SCAF8: variants seen among roughly 807,000 people sequenced by gnomAD.
SCAF8 encodes SR-related CTD associated factor 8.
A neutral mutation model predicts 140.5 loss-of-function variants in SCAF8; 23 were observed. The ratio of observed to expected loss-of-function variants is 0.16; its 90% CI spans 0.12 to 0.23. The LOEUF (loss-of-function observed/expected upper bound fraction) is 0.23, where lower values mean the gene tolerates loss of function less well. Ranked by LOEUF, SCAF8 falls within the 10% of genes least tolerant of loss-of-function variation. The pLI is 1.00. For synonymous variants in SCAF8, 575 were observed against 528.9 expected (o/e 1.09, Z -1.20); for missense variants, 1,397 against 1,555.7 (o/e 0.90, Z 1.72).
At position 154,823,226 on chromosome 6, in the gene SCAF8, G is replaced by A. The variant is rs557338005; in HGVS notation, c.1926+817G>A. On this transcript the variant is annotated intron_variant, in intron 16 of 19. Transcript: ENST00000367178. ...TGAGATGGATGGTGGGTCTTTACAT[G>A]TGACAAAAAGAGAGAGAGAAAGATG... Among the ~76,000 whole-genome samples, 447 of 152,274 alleles carry A rather than the reference G, an allele frequency of 2.9e-3. 4 individuals carry two copies. The highest frequency in any genetic ancestry group is 0.01 in the African/African-American group (435 of 41,558).
intron 1 of SCAF8, among the ~76,000 whole-genome samples, chr6:154,752,654 T>G (rs1433134617): frequency 6.6e-6 from 1 of 152,240 alleles, no homozygotes; most frequent in Non-Finnish European, 1.5e-5. Context: ...ATGTTCAGCA[T>G]ATATTTCAAG....
At chr6:154,780,218 C>G (rs1053591541) in intron 3 of SCAF8, among the ~76,000 whole-genome samples, 2 of 152,220 alleles carry the variant, frequency 1.3e-5, no homozygotes, top group Non-Finnish European at 1.5e-5. Context: ...AACCTGTTCT[C>G]TTTCTCTATT....
At chr6:154,751,628 T>C (rs1365071042) in intron 1 of SCAF8, among the ~76,000 whole-genome samples, 2 of 152,216 alleles carry the variant, frequency 1.3e-5, no homozygotes. Context: ...GTCATACCTT[T>C]ACTAGGTGCA....
At chr6:154,820,395 G>T in intron 15 of SCAF8, 62 bp downstream of exon 15, 1 of 1,399,230 alleles carries the variant, frequency 7.1e-7, no homozygotes, top group Non-Finnish European at 9.9e-7. Context: ...TGTAGCTGAA[G>T]TGAATTTGGG....
chr6:154,774,127 TTGGA>T (rs1199819786), intron 2 of SCAF8, 55 bp downstream of exon 2: 12 of 1,112,378 alleles, frequency 1.1e-5, no homozygotes, highest in Non-Finnish European at 1.6e-5. Flanking sequence ...TATTAATAGT[TTGGA>T]TGGGGGATAA....
Position 154,759,104 on chromosome 6 carries a change from T to G in SCAF8, c.31-14885T>G, listed in dbSNP as rs147267031. ...TTCAGGTTTGACTCTGGTTTCCAGT[T>G]TGCCTGCTGTTTTTTGCTTCCGGAT... is the stretch of plus-strand genomic sequence containing the variant. On this transcript the variant is annotated intron_variant, in intron 1 of 19. Transcript: ENST00000367178. 4.8e-3 allele frequency among the ~76,000 whole-genome samples: 732 copies of G among 152,336 alleles called. 6 individuals carry two copies. Among genetic ancestry groups the G allele is most frequent in the African/African-American group, 0.017 (702 of 41,568 alleles).
intron 1 of SCAF8, among the ~76,000 whole-genome samples, chr6:154,736,008 T>C (rs796671884): frequency 1.3e-5 from 2 of 152,106 alleles, no homozygotes; most frequent in African/African-American, 4.8e-5. Context: ...TTATTTTTTA[T>C]AGAGAGGAGG....
In SCAF8 at chr6:154,773,270, C is replaced by T. The variant is rs181756441; in HGVS notation, c.31-719C>T. Among the ~76,000 whole-genome samples, 160 of 152,212 alleles carry T rather than the reference C, an allele frequency of 1.1e-3. 1 individual carries two copies. Among genetic ancestry groups the T allele is most frequent in the Non-Finnish European group, 1.5e-4 (10 of 68,018 alleles). On this transcript the variant is annotated intron_variant, in intron 1 of 19. Coordinates refer to ENST00000367178, the MANE Select transcript of SCAF8 (RefSeq NM_014892.5). ...CCTAGACAACCACCAATAGATTTGC[C>T]CTTTCTGGATATTACATATAAATGG...
At chr6:154,812,975 G>C (rs1424489663) in intron 12 of SCAF8, among the ~76,000 whole-genome samples, 2 of 151,474 alleles carry the variant, frequency 1.3e-5, no homozygotes, top group East Asian at 3.9e-4. Flanking sequence ...CAGGCCAGCA[G>C]ATTGTTTGAG....
At chr6:154,743,506 T>C (rs963530312) in intron 1 of SCAF8, among the ~76,000 whole-genome samples, 1 of 152,198 alleles carries the variant, frequency 6.6e-6, no homozygotes, top group Non-Finnish European at 1.5e-5. Flanking sequence ...TAAAGCAAAC[T>C]TTTTTAAGTA....
chr6:154,751,273 G>C (rs1246946907), intron 1 of SCAF8, among the ~76,000 whole-genome samples: 1 of 151,248 alleles, frequency 6.6e-6, no homozygotes, highest in East Asian at 1.9e-4. Flanking sequence ...TTGTTGCCCA[G>C]GCTGGAGTGC....
At chr6:154,746,212 A>T (rs1778695120) in intron 1 of SCAF8, among the ~76,000 whole-genome samples, 1 of 152,060 alleles carries the variant, frequency 6.6e-6, no homozygotes, top group Admixed American at 6.6e-5. Flanking sequence ...TTCTTAATTC[A>T]CTGAGTTATC....
chr6:154,816,130 A>T (rs916168697), intron 13 of SCAF8, among the ~76,000 whole-genome samples: 6 of 152,116 alleles, frequency 3.9e-5, no homozygotes, highest in Non-Finnish European at 7.4e-5. Context: ...TCCTTTTTTT[A>T]AAAAACTGTC....
intron 1 of SCAF8, among the ~76,000 whole-genome samples, chr6:154,773,770 C>G (rs1776842528): frequency 6.6e-6 from 1 of 152,200 alleles, no homozygotes; most frequent in African/African-American, 2.4e-5. Flanking sequence ...CTTGCTTACA[C>G]TTGTTACTGT....
At chr6:154,740,341 GC>G (rs773993685) in intron 1 of SCAF8, among the ~76,000 whole-genome samples, 1 of 152,102 alleles carries the variant, frequency 6.6e-6, no homozygotes, top group Non-Finnish European at 1.5e-5. Flanking sequence ...AATTATGACA[GC>G]CAAAAATGTT....
At position 154,733,713 on chromosome 6, in the gene SCAF8, T is replaced by C. The variant is rs1440930444; in HGVS notation, c.-188T>C. 7.7e-7 allele frequency: 1 copy of C among 1,297,380 alleles called. No individual in the cohort carries two copies. The highest frequency in any genetic ancestry group is 4.3e-5 in the Admixed American group (1 of 23,230). 80.4% of individuals were successfully genotyped at this position (1,297,380 alleles called of 1,614,324 possible). A position where few individuals can be genotyped will look rare whatever the true frequency, so the allele number is the denominator to read the frequency against. On this transcript the variant is annotated 5_prime_UTR_variant, in exon 1 of 20. Coordinates refer to ENST00000367178, the MANE Select transcript of SCAF8 (RefSeq NM_014892.5). Reference sequence around the variant, plus strand: ...GCCCTAGCGGCCATGCCGGTGCCGCTCTGCCGCTGAGGGAGCCCTTCCCCG... The same window carrying C: ...GCCCTAGCGGCCATGCCGGTGCCGCCCTGCCGCTGAGGGAGCCCTTCCCCG...
chr6:154,763,511 C>T (rs186633191), intron 1 of SCAF8, among the ~76,000 whole-genome samples: 4 of 152,184 alleles, frequency 2.6e-5, no homozygotes, highest in Non-Finnish European at 1.5e-5. Context: ...GGATGTAACT[C>T]ATAATAAGCT....
chr6:154,753,798 C>G (rs926353784), intron 1 of SCAF8, among the ~76,000 whole-genome samples: 1 of 151,972 alleles, frequency 6.6e-6, no homozygotes, highest in East Asian at 1.9e-4. Flanking sequence ...GGAATGAGAC[C>G]TTTTAATAGT....
At chr6:154,768,203 A>C (rs1776637183) in intron 1 of SCAF8, among the ~76,000 whole-genome samples, 1 of 152,212 alleles carries the variant, frequency 6.6e-6, no homozygotes, top group South Asian at 2.1e-4. Context: ...ACTGCGGCTG[A>C]AGATCTCAAC....
Sources: allele counts gnomAD v4.1 joint callset (sites outside exome capture counted in the v4.1 genomes callset), GRCh38; gene constraint gnomAD v4.1.1; transcripts MANE v1.5; gene names NCBI Gene and HGNC (gene_info 2026-07-23, HGNC 2026-07-21).